NOS1AP: variants seen among roughly 807,000 people sequenced by gnomAD.
NOS1AP encodes the protein carboxyl-terminal PDZ ligand of neuronal nitric oxide synthase protein.
Under a neutral mutation model 56.2 loss-of-function variants are expected in NOS1AP, and 21 were observed. That is an observed-to-expected ratio of 0.37 (90% confidence interval 0.26 to 0.54). NOS1AP has a LOEUF of 0.54. Among genes scored for constraint, NOS1AP ranks in the 20% least tolerant of loss-of-function variants. NOS1AP has a pLI of 0.84. For synonymous variants in NOS1AP, 270 were observed against 274.6 expected (o/e 0.98, Z 0.17); for missense variants, 522 against 657.8 (o/e 0.79, Z 2.26).
chr1:162,306,013 G>T (rs565710747), intron 4 of NOS1AP, among the ~76,000 whole-genome samples: 13 of 152,168 alleles, frequency 8.5e-5, no homozygotes, highest in Non-Finnish European at 1.5e-4. Context: ...AGGGAAGCAG[G>T]ATGACTGTGA....
At chr1:162,126,531 T>TTC (rs945637244) in intron 1 of NOS1AP, among the ~76,000 whole-genome samples, 2 of 152,052 alleles carry the variant, frequency 1.3e-5, no homozygotes, top group Non-Finnish European at 2.9e-5. Flanking sequence ...TTTTTTTTTT[T>TTC]TCTCTCTGTA....
intron 3 of NOS1AP, among the ~76,000 whole-genome samples, chr1:162,292,764 C>T (rs985770430): frequency 2.0e-5 from 3 of 152,134 alleles, no homozygotes; most frequent in Non-Finnish European, 4.4e-5. Context: ...TATGTTCCTG[C>T]CCAAACAGTA....
chr1:162,271,773 C>T (rs1039787227), intron 2 of NOS1AP, among the ~76,000 whole-genome samples: 1 of 152,234 alleles, frequency 6.6e-6, no homozygotes, highest in Non-Finnish European at 1.5e-5. Flanking sequence ...TTGTTTCTCA[C>T]AGTTCTGGAG....
chr1:162,194,874 G>A (rs1376236292), intron 2 of NOS1AP, among the ~76,000 whole-genome samples: 1 of 152,186 alleles, frequency 6.6e-6, no homozygotes, highest in Non-Finnish European at 1.5e-5. Flanking sequence ...CTGAAAAAGT[G>A]ACCTTGCAGG....
intron 1 of NOS1AP, among the ~76,000 whole-genome samples, chr1:162,146,894 C>T (rs556208040): frequency 2.6e-5 from 4 of 152,228 alleles, no homozygotes; most frequent in Non-Finnish European, 4.4e-5. Context: ...TTGTGGTTCA[C>T]TTTTTGTGTC....
In NOS1AP at chr1:162,238,345, G is replaced by T. The variant is rs567208345; in HGVS notation, c.178-48999G>T. On this transcript the variant is annotated intron_variant, in intron 2 of 9. Coordinates refer to ENST00000361897, the MANE Select transcript of NOS1AP (RefSeq NM_014697.3). ...TGTGCTACATTAAGCATCAGCCCTG[G>T]TTGGGGATAGAGTCTACAGGGGAAG... Among the ~76,000 whole-genome samples the T allele has an allele frequency of 7.9e-5, 12 of 152,206 alleles. No individual in the cohort carries two copies. In the East Asian group the frequency reaches 2.3e-3, roughly 29 times the overall value.
At chr1:162,351,515 GTGGACAGTGACCTTCTCC>G (rs1448714946) in intron 6 of NOS1AP, among the ~76,000 whole-genome samples, 2 of 152,168 alleles carry the variant, frequency 1.3e-5, no homozygotes, top group African/African-American at 4.8e-5. Context: ...TTCTGTCTCA[GTGGACAGTGACCTTCTCC>G]TGTCACCTGC....
chr1:162,157,064 A>G (rs1368856616), intron 2 of NOS1AP: 1 of 154,636 alleles, frequency 6.5e-6, no homozygotes, highest in East Asian at 1.9e-4. Context: ...GGTACAGGAA[A>G]ACATCACCTG....
At chr1:162,196,627 G>T (rs1009506372) in intron 2 of NOS1AP, among the ~76,000 whole-genome samples, 1 of 152,192 alleles carries the variant, frequency 6.6e-6, no homozygotes, top group African/African-American at 2.4e-5. Flanking sequence ...AGGGAGAGTC[G>T]TTGGGAAGCA....
chr1:162,081,235 C>A (rs1226500109), intron 1 of NOS1AP, among the ~76,000 whole-genome samples: 1 of 152,132 alleles, frequency 6.6e-6, no homozygotes, highest in African/African-American at 2.4e-5. Flanking sequence ...ATTGAATAGG[C>A]AAATGGTCTG....
intron 2 of NOS1AP, among the ~76,000 whole-genome samples, chr1:162,192,861 A>C (rs184980268): frequency 1.3e-5 from 2 of 152,288 alleles, no homozygotes; most frequent in East Asian, 3.9e-4. Flanking sequence ...TTTGCAGAGC[A>C]GAGCACATCC....
At chr1:162,140,097 G>A (rs1649174309) in intron 1 of NOS1AP, among the ~76,000 whole-genome samples, 1 of 152,148 alleles carries the variant, frequency 6.6e-6, no homozygotes, top group African/African-American at 2.4e-5. Flanking sequence ...CCATAGTGCT[G>A]GGTTTACAGG....
chr1:162,264,332 C>T (rs1041844955), intron 2 of NOS1AP, among the ~76,000 whole-genome samples: 1 of 152,012 alleles, frequency 6.6e-6, no homozygotes, highest in South Asian at 2.1e-4. Flanking sequence ...CTCTGTAATC[C>T]CTCCAGCCCA....
In NOS1AP at chr1:162,246,256, G is replaced by A. The variant is rs549268512; in HGVS notation, c.178-41088G>A. ...GTGTTGAATATTGAGATACACACAGGAAATAAGATATGGCCCAGTCCTGTC... is the reference window on the plus strand; with the variant it reads ...GTGTTGAATATTGAGATACACACAGAAAATAAGATATGGCCCAGTCCTGTC... On this transcript the variant is annotated intron_variant, in intron 2 of 9. Coordinates refer to ENST00000361897, the MANE Select transcript of NOS1AP (RefSeq NM_014697.3). Among the ~76,000 whole-genome samples, 4 of 152,212 alleles carry A rather than the reference G, an allele frequency of 2.6e-5. No homozygotes were observed. In the East Asian group the frequency reaches 7.7e-4, roughly 29 times the overall value.
chr1:162,338,605 C>A (rs778053364), intron 5 of NOS1AP: 2 of 152,154 alleles, frequency 1.3e-5, no homozygotes, highest in Non-Finnish European at 2.9e-5. Context: ...CAACCAACTA[C>A]AAAGTCGTTA....
chr1:162,084,968 G>T (rs1033594005), intron 1 of NOS1AP, among the ~76,000 whole-genome samples: 1 of 152,114 alleles, frequency 6.6e-6, no homozygotes, highest in African/African-American at 2.4e-5. Flanking sequence ...CCAGCCCATA[G>T]TGTTTTCTAT....
At chr1:162,278,288 T>G (rs11800645) in intron 2 of NOS1AP, among the ~76,000 whole-genome samples, 11,463 of 152,228 alleles carry the variant, frequency 0.075, 537 homozygotes, top group Middle Eastern at 0.11. Context: ...CCCAATACCC[T>G]GGCTTCACAG....
At chr1:162,342,232 T>C (rs1447226580) in intron 5 of NOS1AP, among the ~76,000 whole-genome samples, 1 of 152,228 alleles carries the variant, frequency 6.6e-6, no homozygotes, top group Non-Finnish European at 1.5e-5. Flanking sequence ...GAGAGACCAA[T>C]GGAGAATATC....
At chr1:162,295,942 G>A (rs753049323) in intron 3 of NOS1AP, among the ~76,000 whole-genome samples, 6 of 151,482 alleles carry the variant, frequency 4.0e-5, no homozygotes, top group Non-Finnish European at 8.8e-5. Context: ...AGACCCTTTA[G>A]TTCTAAAGTT....
Sources: allele counts gnomAD v4.1 joint callset (sites outside exome capture counted in the v4.1 genomes callset), GRCh38; gene constraint gnomAD v4.1.1; transcripts MANE v1.5; gene names NCBI Gene and HGNC (gene_info 2026-07-23, HGNC 2026-07-21).